Variants in MAP4 observed in about 807,000 individuals in gnomAD.
MAP4 encodes microtubule associated protein 4.
A neutral mutation model predicts 170.2 loss-of-function variants in MAP4; 76 were observed. The ratio of observed to expected loss-of-function variants is 0.45; its 90% CI spans 0.37 to 0.54. The LOEUF (loss-of-function observed/expected upper bound fraction) is 0.54, where lower values mean the gene tolerates loss of function less well. Ranked by LOEUF, MAP4 falls within the 20% of genes least tolerant of loss-of-function variation. MAP4 has a pLI of 0.00. For missense variants in MAP4, 2,506 were observed against 2,748.0 expected, an observed-to-expected ratio of 0.91 and a Z score of 1.97; for synonymous variants, 909 against 994.5, an observed-to-expected ratio of 0.91 and a Z score of 1.62.
At chr3:47,969,704 C>T (rs2100077386) in intron 3 of MAP4, among the ~76,000 whole-genome samples, 1 of 152,120 alleles carries the variant, frequency 6.6e-6, no homozygotes. Flanking sequence ...TGCCCTACAA[C>T]TTCTCTGACA....
Position 47,974,983 on chromosome 3 carries a change from C to T in MAP4, c.292+2882G>A, listed in dbSNP as rs1462166109. ...GGAGGAGGGAGAAGAAAAGGAAATTCGCTGCAGTACTGGTGGCCTCAACCC... is the reference window on the plus strand; with the variant it reads ...GGAGGAGGGAGAAGAAAAGGAAATTTGCTGCAGTACTGGTGGCCTCAACCC... On this transcript the variant is annotated intron_variant, in intron 3 of 20. Coordinates refer to ENST00000683076, the MANE Select transcript of MAP4 (RefSeq NM_001385682.1). The T allele has an allele frequency of 1.2e-5, 12 of 986,206 alleles. No homozygotes were observed. The South Asian group carries it at 3.7e-4, about 31-fold the overall frequency. 61.1% of individuals were successfully genotyped at this position (986,206 alleles called of 1,614,324 possible). A position where few individuals can be genotyped will look rare whatever the true frequency, so the allele number is the denominator to read the frequency against.
intron 10 of MAP4, among the ~76,000 whole-genome samples, chr3:47,885,298 G>C (rs1308274324): frequency 6.6e-6 from 1 of 152,134 alleles, no homozygotes; most frequent in Non-Finnish European, 1.5e-5. Flanking sequence ...GGGAGGTCAA[G>C]CAAGGAGGAT....
chr3:48,072,142 T>C (rs200593421), intron 1 of MAP4, among the ~76,000 whole-genome samples: 1 of 151,876 alleles, frequency 6.6e-6, no homozygotes, highest in South Asian at 2.1e-4. Flanking sequence ...GAAGTTGCAG[T>C]GAGCCAAGAT....
At chr3:47,867,430 A>G in intron 16 of MAP4, 92 bp from the exon 17 acceptor site, 1 of 802,992 alleles carries the variant, frequency 1.2e-6, no homozygotes, top group Non-Finnish European at 2.2e-6. Flanking sequence ...CGTGATCACA[A>G]TGACCAACAA....
At chr3:48,031,231 C>T (rs1185530343) in intron 1 of MAP4, among the ~76,000 whole-genome samples, 1 of 152,070 alleles carries the variant, frequency 6.6e-6, no homozygotes, top group Non-Finnish European at 1.5e-5. Context: ...AGGCAAGCAA[C>T]ATGGCGAAAC....
intron 4 of MAP4, among the ~76,000 whole-genome samples, chr3:47,923,093 T>C (rs1237363067): frequency 6.6e-6 from 1 of 151,068 alleles, no homozygotes; most frequent in African/African-American, 2.4e-5. Context: ...TAAACAAGAG[T>C]TCCACTTTCT....
intron 10 of MAP4, chr3:47,892,913 C>T (rs1156904538): frequency 2.0e-6 from 2 of 988,388 alleles, no homozygotes; most frequent in African/African-American, 3.5e-5. Context: ...CATGCCCACC[C>T]TTCCACATTC....
chr3:47,861,419 T>A (rs539195230), intron 17 of MAP4, among the ~76,000 whole-genome samples: 2 of 151,446 alleles, frequency 1.3e-5, no homozygotes, highest in East Asian at 3.9e-4. Context: ...ATGGCATGAT[T>A]TCAACTCACT....
At chr3:48,077,406 A>T (rs1381934079) in intron 1 of MAP4, among the ~76,000 whole-genome samples, 1 of 151,564 alleles carries the variant, frequency 6.6e-6, no homozygotes. Flanking sequence ...AGATCGTGCC[A>T]TTGCACTCCA....
chr3:47,951,879 G>A (rs940831084), intron 3 of MAP4, among the ~76,000 whole-genome samples: 1 of 151,098 alleles, frequency 6.6e-6, no homozygotes, highest in Admixed American at 6.6e-5. Flanking sequence ...GTCTCTGCCC[G>A]CCCGCCATCC....
intron 1 of MAP4, among the ~76,000 whole-genome samples, chr3:48,083,405 G>A (rs1223913103): frequency 6.6e-6 from 1 of 152,196 alleles, no homozygotes. Flanking sequence ...TCTCGCTGTA[G>A]CCCAGGCTGG....
chr3:47,934,816 C>A (rs1450033552), intron 3 of MAP4, among the ~76,000 whole-genome samples: 2 of 152,162 alleles, frequency 1.3e-5, no homozygotes, highest in Non-Finnish European at 2.9e-5. Flanking sequence ...CCAGATAATT[C>A]ATTTACCAAT....
intron 3 of MAP4, chr3:47,974,199 G>A (rs932136635): frequency 8.5e-5 from 67 of 786,374 alleles, no homozygotes; most frequent in Middle Eastern, 6.5e-4. Flanking sequence ...GCCAAGGCGG[G>A]TGGATCACTT....
intron 2 of MAP4, among the ~76,000 whole-genome samples, chr3:47,984,447 G>C (rs1352907954): frequency 6.6e-6 from 1 of 152,202 alleles, no homozygotes; most frequent in African/African-American, 2.4e-5. Flanking sequence ...AAAATAGTAG[G>C]TGAAAGTTGG....
chr3:48,039,501 A>C (rs2100120539), intron 1 of MAP4: 1 of 152,702 alleles, frequency 6.5e-6, no homozygotes, highest in South Asian at 2.1e-4. Flanking sequence ...ACCCTGAATC[A>C]AGATGAGTGG....
chr3:48,025,035 C>A (rs975951659), intron 1 of MAP4, among the ~76,000 whole-genome samples: 2 of 151,968 alleles, frequency 1.3e-5, no homozygotes, highest in Non-Finnish European at 2.9e-5. Flanking sequence ...TTACTGCAGC[C>A]TCGACCTCCC....
chr3:47,969,148 C>T (rs1286417846), intron 3 of MAP4, among the ~76,000 whole-genome samples: 1 of 152,244 alleles, frequency 6.6e-6, no homozygotes, highest in African/African-American at 2.4e-5. Flanking sequence ...TGGCTCACGC[C>T]TGTAATCCCA....
chr3:48,048,263 A>G (rs967626055), intron 1 of MAP4, among the ~76,000 whole-genome samples: 1 of 152,218 alleles, frequency 6.6e-6, no homozygotes, highest in Admixed American at 6.5e-5. Flanking sequence ...ATAAGCTCCC[A>G]TTACAACATA....
chr3:47,917,436 A>G (rs760851675), intron 6 of MAP4, among the ~76,000 whole-genome samples: 6 of 152,026 alleles, frequency 3.9e-5, no homozygotes, highest in African/African-American at 7.2e-5. Flanking sequence ...AAAAATACAG[A>G]AATTAGCCAT....
Sources: allele counts gnomAD v4.1 joint callset (sites outside exome capture counted in the v4.1 genomes callset), GRCh38; gene constraint gnomAD v4.1.1; transcripts MANE v1.5; gene names NCBI Gene and HGNC (gene_info 2026-07-23, HGNC 2026-07-21).